Variants in POU2AF2 observed in about 807,000 individuals in gnomAD.
POU2AF2 encodes the protein POU domain class 2-associating factor 2.
chr11:111,262,546 C>G, the POU2AF2 span, among the ~76,000 whole-genome samples: 1 of 152,160 alleles, frequency 6.6e-6, no homozygotes, highest in Non-Finnish European at 1.5e-5. Context: ...AAAATACATG[C>G]AATTGGAAGC....
the POU2AF2 span, among the ~76,000 whole-genome samples, chr11:111,280,057 A>AAATATATATATATATATAT: frequency 2.6e-3 from 197 of 76,464 alleles, 1 homozygote; most frequent in Non-Finnish European, 3.9e-3. Flanking sequence ...AAAAAAAAAA[A>AAATATATATATATATATAT]ATATATATAT....
At chr11:111,251,230 T>C in the POU2AF2 span, among the ~76,000 whole-genome samples, 10 of 152,142 alleles carry the variant, frequency 6.6e-5, no homozygotes, top group Non-Finnish European at 1.3e-4. Flanking sequence ...ATGTATTTTG[T>C]AGGTAGCACC....
the POU2AF2 span, among the ~76,000 whole-genome samples, chr11:111,279,931 C>T: frequency 4.0e-5 from 6 of 150,758 alleles, no homozygotes; most frequent in African/African-American, 1.2e-4. Flanking sequence ...ATCCCAGCTA[C>T]TCAGGAGACT....
chr11:111,247,536 C>G, the POU2AF2 span, among the ~76,000 whole-genome samples: 4 of 152,074 alleles, frequency 2.6e-5, no homozygotes, highest in East Asian at 7.7e-4. Flanking sequence ...GCCTGTAATC[C>G]CAGCACTTTC....
chr11:111,268,492 A>ATTTTATTTTATTTTATTTTATTTTATT, the POU2AF2 span, among the ~76,000 whole-genome samples: 1 of 30,746 alleles, frequency 3.3e-5, no homozygotes, highest in Non-Finnish European at 9.6e-5. Flanking sequence ...ATTTTATTTT[A>ATTTTATTTTATTTTATTTTATTTTATT]TTTTATTTTA....
At chr11:111,247,785 T>TA in the POU2AF2 span, among the ~76,000 whole-genome samples, 5 of 150,574 alleles carry the variant, frequency 3.3e-5, no homozygotes, top group African/African-American at 9.7e-5. Flanking sequence ...GACTCCATCT[T>TA]AAAAAAAAGA....
At chr11:111,277,793 C>G in the POU2AF2 span, among the ~76,000 whole-genome samples, 2 of 152,184 alleles carry the variant, frequency 1.3e-5, no homozygotes, top group South Asian at 2.1e-4. Flanking sequence ...CTGGCACATC[C>G]TACTTAACCT....
chr11:111,260,731 G>T, the POU2AF2 span, among the ~76,000 whole-genome samples: 1 of 152,210 alleles, frequency 6.6e-6, no homozygotes, highest in East Asian at 1.9e-4. Context: ...CTGGCCTCCA[G>T]AATTATGAGA....
the POU2AF2 span, among the ~76,000 whole-genome samples, chr11:111,263,224 T>C: frequency 6.6e-6 from 1 of 152,166 alleles, no homozygotes; most frequent in Non-Finnish European, 1.5e-5. Context: ...TTTATTCCAT[T>C]TATTTATCTT....
chr11:111,260,557 A>T, the POU2AF2 span, among the ~76,000 whole-genome samples: 3 of 152,320 alleles, frequency 2.0e-5, no homozygotes, highest in South Asian at 6.2e-4. Flanking sequence ...GAAGATACAC[A>T]AAAGATGAGG....
the POU2AF2 span, among the ~76,000 whole-genome samples, chr11:111,270,493 C>T: frequency 7.2e-5 from 11 of 152,138 alleles, no homozygotes; most frequent in Non-Finnish European, 2.9e-5. Context: ...GATAAATCCC[C>T]TATAACCTAG....
At chr11:111,250,166 G>A in the POU2AF2 span, among the ~76,000 whole-genome samples, 2 of 151,994 alleles carry the variant, frequency 1.3e-5, no homozygotes, top group African/African-American at 2.4e-5. Context: ...TAATCATAGT[G>A]CTGTTTTGGG....
chr11:111,281,487 TCA>T, the POU2AF2 span: 1 of 1,596,834 alleles, frequency 6.3e-7, no homozygotes, highest in South Asian at 1.1e-5. Context: ...TGAATTTAAA[TCA>T]AGCATCTGGG....
At chr11:111,259,254 ATTAT>A in the POU2AF2 span, among the ~76,000 whole-genome samples, 1 of 151,626 alleles carries the variant, frequency 6.6e-6, no homozygotes, top group African/African-American at 2.4e-5. Flanking sequence ...AAGCGAAGTA[ATTAT>A]TTCAAAGCTG....
At chr11:111,250,258 T>C in the POU2AF2 span, among the ~76,000 whole-genome samples, 1 of 152,276 alleles carries the variant, frequency 6.6e-6, no homozygotes, top group African/African-American at 2.4e-5. Context: ...TATTTCTGGC[T>C]AGCCTCTGTT....
the POU2AF2 span, among the ~76,000 whole-genome samples, chr11:111,284,590 G>A: frequency 2.6e-5 from 4 of 152,214 alleles, no homozygotes; most frequent in Non-Finnish European, 5.9e-5. Flanking sequence ...GAGCGTCTAC[G>A]CAGGGCTTGG....
At chr11:111,248,260 G>A in the POU2AF2 span, among the ~76,000 whole-genome samples, 1 of 152,126 alleles carries the variant, frequency 6.6e-6, no homozygotes, top group African/African-American at 2.4e-5. Context: ...TTCCTAATGG[G>A]TATCTGCCTT....
At chr11:111,279,854 C>T in the POU2AF2 span, among the ~76,000 whole-genome samples, 2 of 151,356 alleles carry the variant, frequency 1.3e-5, no homozygotes, top group South Asian at 4.2e-4. Context: ...CCAGCCTGGC[C>T]AACACAGTGA....
chr11:111,264,541 A>T, the POU2AF2 span, among the ~76,000 whole-genome samples: 4 of 68,910 alleles, frequency 5.8e-5, 1 homozygote, highest in African/African-American at 2.1e-4. Context: ...AGAAAGAAAG[A>T]AAGAAAGAAA....
Sources: allele counts gnomAD v4.1 joint callset (sites outside exome capture counted in the v4.1 genomes callset), GRCh38; gene constraint gnomAD v4.1.1; transcripts MANE v1.5; gene names NCBI Gene and HGNC (gene_info 2026-07-23, HGNC 2026-07-21).